The following MAGI1 variants were observed in gnomAD, a reference collection of about 807,000 sequenced individuals.
The protein encoded by MAGI1 is membrane associated guanylate kinase, WW and PDZ domain containing 1.
MAGI1 carries 58 observed loss-of-function variants against 139.9 expected under a neutral mutation model. The observed-to-expected ratio is 0.41, with a 90% CI of 0.34 to 0.52. The LOEUF is 0.52. Ranked by LOEUF, MAGI1 falls within the 20% of genes least tolerant of loss-of-function variation. MAGI1 has a pLI of 0.12. For missense variants in MAGI1, 1,874 were observed against 1,901.6 expected, an observed-to-expected ratio of 0.99 and a Z score of 0.27; for synonymous variants, 812 against 737.9, an observed-to-expected ratio of 1.10 and a Z score of -1.63.
intron 4 of MAGI1, among the ~76,000 whole-genome samples, chr3:65,478,298 T>C (rs975098140): frequency 2.0e-5 from 3 of 152,146 alleles, no homozygotes; most frequent in African/African-American, 4.8e-5. Flanking sequence ...TTTATATACA[T>C]ATATCATTTT....
chr3:65,679,935 T>C (rs1306406221), intron 1 of MAGI1, among the ~76,000 whole-genome samples: 6 of 152,244 alleles, frequency 3.9e-5, no homozygotes, highest in African/African-American at 1.4e-4. Flanking sequence ...CTAGGACTAC[T>C]GTAGGACCAG....
intron 4 of MAGI1, among the ~76,000 whole-genome samples, chr3:65,474,644 C>T (rs1405749217): frequency 6.6e-6 from 1 of 152,116 alleles, no homozygotes; most frequent in South Asian, 2.1e-4. Context: ...TGCACACTCA[C>T]TCACTCTTGG....
At chr3:65,551,040 C>T (rs2079803550) in intron 2 of MAGI1, among the ~76,000 whole-genome samples, 1 of 152,128 alleles carries the variant, frequency 6.6e-6, no homozygotes, top group South Asian at 2.1e-4. Flanking sequence ...TTGTAATCCC[C>T]ATGTGTCCAG....
rs764178128 is a variant in MAGI1 at position 65,375,700 on chromosome 3, G to C, written c.3196+45C>G. The stretch of plus-strand genomic sequence containing the variant: ...GAAAAGGAAAAGACAGAGACAGAGA[G>C]AGAGAAAAAGAGAGAGAGAGAGAGA... On this transcript the variant is annotated intron_variant, in intron 18 of 22. Coordinates refer to ENST00000402939, the MANE Select transcript of MAGI1 (RefSeq NM_001033057.2). 3 of 1,420,744 alleles carry C rather than the reference G, an allele frequency of 2.1e-6. No homozygotes were observed. The Admixed American group carries it at 5.1e-5, about 24-fold the overall frequency. The allele number at this position is 1,420,744 out of a possible 1,614,324, so 88.0% of individuals were successfully genotyped here.
At chr3:65,636,425 T>C (rs2084622306) in intron 1 of MAGI1, among the ~76,000 whole-genome samples, 1 of 152,156 alleles carries the variant, frequency 6.6e-6, no homozygotes, top group South Asian at 2.1e-4. Context: ...CTCACTGTAG[T>C]CTTCCAGCTG....
intron 3 of MAGI1, among the ~76,000 whole-genome samples, chr3:65,485,629 T>C (rs1951575211): frequency 6.6e-6 from 1 of 152,142 alleles, no homozygotes; most frequent in East Asian, 1.9e-4. Flanking sequence ...TGTAAAAGAG[T>C]GTATTATCAC....
intron 1 of MAGI1, among the ~76,000 whole-genome samples, chr3:65,990,346 T>C (rs959631734): frequency 4.6e-5 from 7 of 152,156 alleles, no homozygotes; most frequent in South Asian, 2.1e-4. Flanking sequence ...AAGACCAACA[T>C]CTAAATCAAC....
intron 14 of MAGI1, among the ~76,000 whole-genome samples, chr3:65,385,384 A>T (rs1409026690): frequency 1.3e-5 from 2 of 152,198 alleles, no homozygotes; most frequent in Non-Finnish European, 1.5e-5. Context: ...TGAATCCTAA[A>T]GGAGATTTTC....
chr3:65,628,776 C>T (rs1311859171), intron 1 of MAGI1, among the ~76,000 whole-genome samples: 3 of 152,110 alleles, frequency 2.0e-5, no homozygotes, highest in African/African-American at 4.8e-5. Flanking sequence ...AAATGTTTCC[C>T]AATCTACTAA....
intron 1 of MAGI1, among the ~76,000 whole-genome samples, chr3:65,852,325 A>T (rs1004362135): frequency 6.6e-6 from 1 of 152,108 alleles, no homozygotes; most frequent in African/African-American, 2.4e-5. Flanking sequence ...GCCTCCCCAG[A>T]AAGGAAGAGG....
intron 1 of MAGI1, among the ~76,000 whole-genome samples, chr3:65,862,013 G>A (rs989594104): frequency 6.6e-6 from 1 of 152,072 alleles, no homozygotes. Flanking sequence ...GCACCACCAG[G>A]CTCCCAGAAC....
chr3:65,558,416 G>C (rs74931613), intron 2 of MAGI1, among the ~76,000 whole-genome samples: 3,844 of 152,220 alleles, frequency 0.025, 81 homozygotes, highest in Admixed American at 0.049. Context: ...GATGATAGCT[G>C]AGGCAAGAGG....
intron 1 of MAGI1, among the ~76,000 whole-genome samples, chr3:65,803,634 A>G (rs964673409): frequency 6.6e-6 from 1 of 152,070 alleles, no homozygotes; most frequent in Admixed American, 6.6e-5. Flanking sequence ...TGAACAGATT[A>G]TTTCATCACT....
intron 1 of MAGI1, among the ~76,000 whole-genome samples, chr3:65,711,182 T>C (rs2031357687): frequency 6.6e-6 from 1 of 152,198 alleles, no homozygotes; most frequent in Non-Finnish European, 1.5e-5. Context: ...AACAAGAGAA[T>C]AAAAGTTTCT....
At chr3:65,898,112 C>T (rs2061059374) in intron 1 of MAGI1, among the ~76,000 whole-genome samples, 1 of 152,184 alleles carries the variant, frequency 6.6e-6, no homozygotes, top group Non-Finnish European at 1.5e-5. Context: ...AGACTGACCA[C>T]CAGCCAGAGA....
chr3:65,609,229 A>G (rs2082908518), intron 2 of MAGI1, among the ~76,000 whole-genome samples: 1 of 151,796 alleles, frequency 6.6e-6, no homozygotes, highest in Admixed American at 6.6e-5. Context: ...TGCAGTTAAG[A>G]TTTTTATAAC....
intron 1 of MAGI1, among the ~76,000 whole-genome samples, chr3:65,665,788 GAAATCTA>G (rs2086479100): frequency 6.6e-6 from 1 of 152,126 alleles, no homozygotes; most frequent in Non-Finnish European, 1.5e-5. Context: ...GCGGGGCCCA[GAAATCTA>G]AATGTTTTAA....
At chr3:65,680,760 A>AATGATATGAT (rs1553690349) in intron 1 of MAGI1, among the ~76,000 whole-genome samples, 10,144 of 135,088 alleles carry the variant, frequency 0.075, 424 homozygotes, top group Non-Finnish European at 0.092. Context: ...ATAATATAAT[A>AATGATATGAT]ATGATATGAT....
chr3:65,799,194 C>G (rs934951131), intron 1 of MAGI1, among the ~76,000 whole-genome samples: 1 of 152,120 alleles, frequency 6.6e-6, no homozygotes, highest in Non-Finnish European at 1.5e-5. Flanking sequence ...AAAAGAAATT[C>G]GTGCTACTTT....
Sources: allele counts gnomAD v4.1 joint callset (sites outside exome capture counted in the v4.1 genomes callset), GRCh38; gene constraint gnomAD v4.1.1; transcripts MANE v1.5; gene names NCBI Gene and HGNC (gene_info 2026-07-23, HGNC 2026-07-21).